The following BOP1 variants were observed in gnomAD, a reference collection of about 807,000 sequenced individuals.
The protein encoded by BOP1 is BOP1 ribosomal biogenesis factor.
Under a neutral mutation model 82.9 loss-of-function variants are expected in BOP1, and 54 were observed. The ratio of observed to expected loss-of-function variants is 0.65; its 90% confidence interval spans 0.52 to 0.82. The LOEUF (loss-of-function observed/expected upper bound fraction) is 0.82, where lower values mean the gene tolerates loss of function less well. Among genes scored for constraint, BOP1 ranks in the 40% least tolerant of loss-of-function variants. The probability of loss-of-function intolerance (pLI) is 0.00; values close to 1 mark genes in which losing one functional copy is unlikely to be tolerated. For missense variants in BOP1, 1,170 were observed against 1,072.0 expected (o/e 1.09, Z -1.28); for synonymous variants, 566 against 451.1 (o/e 1.25, Z -3.23).
intron 3 of BOP1, 125 bp from the exon 4 acceptor site, chr8:144,265,196 T>G: frequency 3.6e-6 from 4 of 1,124,608 alleles, no homozygotes; most frequent in Non-Finnish European, 5.1e-6. Flanking sequence ...TGCCCTGAGG[T>G]CACTGGCCCT....
chr8:144,286,011 C>G (rs1554839430), intron 2 of BOP1, among the ~76,000 whole-genome samples: 1 of 152,366 alleles, frequency 6.6e-6, no homozygotes, highest in East Asian at 1.9e-4. Flanking sequence ...CAGGAGGCAG[C>G]ACTGGGCTGC....
intron 8 of BOP1, 21 bp downstream of exon 8, chr8:144,263,960 T>C: frequency 6.2e-7 from 1 of 1,610,956 alleles, no homozygotes; most frequent in South Asian, 1.1e-5. Context: ...GCCACCCCCC[T>C]GGTGTGCCAC....
In BOP1 at chr8:144,264,098, G is replaced by C; in HGVS notation, c.1023C>G (p.Ser341Arg). 6.2e-7 allele frequency: 1 copy of C among 1,610,466 alleles called. No individual in the cohort carries two copies. The highest frequency in any genetic ancestry group is 8.5e-7 in the Non-Finnish European group (1 of 1,179,408). The change falls in exon 8 of 16, where the codon AGC (serine) becomes AGG (arginine). Residue 341 changes from serine (S) to arginine (R), a missense_variant. Transcript: ENST00000569669. ...GGCTCGGGAACTTGCGTGGCAAAAAGCTCAGCTTCCTCTCGCCTGGCTCCT... is the reference window on the plus strand; with the variant it reads ...GGCTCGGGAACTTGCGTGGCAAAAACCTCAGCTTCCTCTCGCCTGGCTCCT... Reference protein sequence around the residue: ...EQQEPGERKLSFLPRKFPSLR... With the variant: ...EQQEPGERKLRFLPRKFPSLR...
chr8:144,283,647 T>C (rs1263494929), intron 2 of BOP1, among the ~76,000 whole-genome samples: 6 of 152,140 alleles, frequency 3.9e-5, no homozygotes, highest in Non-Finnish European at 8.8e-5. Flanking sequence ...TTTTTTCAGT[T>C]AAGCCCAGCT....
chr8:144,269,514 G>GT (rs1373923921), intron 3 of BOP1, among the ~76,000 whole-genome samples: 1 of 152,242 alleles, frequency 6.6e-6, no homozygotes, highest in Non-Finnish European at 1.5e-5. Flanking sequence ...AAGCAGTGGT[G>GT]TAATTTTGGA....
Position 144,263,293 on chromosome 8 carries a change from C to T in BOP1, c.1533G>A (p.Gln511=), listed in dbSNP as rs1845273843. The T allele has an allele frequency of 3.1e-6, 5 of 1,594,306 alleles. No individual in the cohort carries two copies. The highest frequency in any genetic ancestry group is 4.2e-6 in the Non-Finnish European group (5 of 1,178,992). The change falls in exon 12 of 16, where the codon CAG becomes CAA. Residue 511 remains glutamine (Q), a synonymous_variant. Coordinates refer to ENST00000569669, the MANE Select transcript of BOP1 (RefSeq NM_015201.5). ...CTGAGGCCTCCAGCCAGCGGGCCGG[C>T]TGCAAGGGGGGCTCCTCAGGCGGGA... The part of the protein sequence containing the change: ...AFVPPEEPPL[Q]PARWLEASEE...
At chr8:144,264,683 C>T (rs1564595180) in intron 5 of BOP1, 31 bp downstream of exon 5, 17 of 1,563,746 alleles carry the variant, frequency 1.1e-5, no homozygotes, top group Admixed American at 1.9e-5. Flanking sequence ...CCAGGACCCC[C>T]GCCGCCCAGG....
chr8:144,272,056 T>C (rs1158929398), intron 3 of BOP1, among the ~76,000 whole-genome samples: 2 of 152,016 alleles, frequency 1.3e-5, no homozygotes, highest in Non-Finnish European at 2.9e-5. Flanking sequence ...CCAGGGACAA[T>C]AGCTGTTCCC....
At chr8:144,266,987 C>G in intron 3 of BOP1, 2 of 1,549,476 alleles carry the variant, frequency 1.3e-6, no homozygotes, top group South Asian at 2.3e-5. Context: ...AGCTACATCT[C>G]GCACCTGGGC....
intron 2 of BOP1, among the ~76,000 whole-genome samples, chr8:144,280,158 A>T (rs1331864309): frequency 1.3e-5 from 2 of 152,186 alleles, no homozygotes; most frequent in Non-Finnish European, 2.9e-5. Context: ...TGACTCCCCC[A>T]TGGGGGCCAA....
rs966612161 is a variant in BOP1, at chr8:144,264,829, C to A, written c.548G>T (p.Arg183Leu). The A allele has an allele frequency of 6.2e-7, 1 of 1,608,998 alleles. No homozygotes were observed. Among genetic ancestry groups the A allele is most frequent in the Non-Finnish European group, 8.5e-7 (1 of 1,179,130 alleles). The change falls in exon 5 of 16, where the codon CGC becomes CTC. Residue 183 changes from arginine (R) to leucine (L), a missense_variant and splice_region_variant. Physicochemically the swap from Arg to Leu is moderately radical, Grantham distance 102 (BLOSUM62 -2). Transcript: ENST00000569669. ...CCCTGTCATCGGGTCCTGCACGGTG[C>A]GCCTGGAGACCGCCAGTCAGACCCC... is the stretch of plus-strand genomic sequence containing the variant. Reference protein sequence around the residue: ...LDKMDDPDYWRTVQDPMTGRD... With the variant: ...LDKMDDPDYWLTVQDPMTGRD...
intron 3 of BOP1, among the ~76,000 whole-genome samples, chr8:144,274,146 T>G (rs1326400915): frequency 2.0e-5 from 3 of 152,082 alleles, no homozygotes; most frequent in African/African-American, 7.3e-5. Flanking sequence ...TCACAGCCAC[T>G]GCCACCCACG....
At position 144,264,368 on chromosome 8, in the gene BOP1, TG is replaced by T; in HGVS notation, c.834del (p.Ser279AlafsTer62). On this transcript the variant is annotated frameshift_variant, in exon 7 of 16. Transcript: ENST00000569669. LOFTEE classifies it high-confidence loss of function. ...TCCTGGGCCCACAGGTCATAGAAGCTGGGGGTGGGGTCTCGGGGCCGGCGAG... is the reference window on the plus strand; with the variant it reads ...TCCTGGGCCCACAGGTCATAGAAGCTGGGGTGGGGTCTCGGGGCCGGCGAG... ...IQPRRPRDPT[P>X]SFYDLWAQED... 1 of 1,603,860 alleles carries T rather than the reference TG, an allele frequency of 6.2e-7. No individual in the cohort carries two copies.
At chr8:144,270,105 G>A (rs1845467980) in intron 3 of BOP1, among the ~76,000 whole-genome samples, 2 of 152,320 alleles carry the variant, frequency 1.3e-5, no homozygotes, top group African/African-American at 2.4e-5. Flanking sequence ...CAAATGGGAT[G>A]GAAGATAGTG....
chr8:144,278,170 A>C (rs1554838521), intron 2 of BOP1, among the ~76,000 whole-genome samples: 2 of 152,222 alleles, frequency 1.3e-5, no homozygotes, highest in Admixed American at 1.3e-4. Context: ...GGCGAGCGCC[A>C]CTGGGCAGAG....
In BOP1 at chr8:144,264,332, C is replaced by A; in HGVS notation, c.871G>T (p.Ala291Ser). ...TGCATCTTGTGGCGCCCGAGCACGG[C>A]GTTGGGGTCCTCCTGGGCCCACAGG... ...YDLWAQEDPN[A>S]VLGRHKMHVP... Residue 291 changes from alanine to serine, a missense_variant, in exon 7 of 16, where the codon GCC (alanine) becomes TCC (serine). Ala to Ser is a moderately conservative substitution (Grantham distance 99). Coordinates refer to ENST00000569669, the MANE Select transcript of BOP1 (RefSeq NM_015201.5). The A allele has an allele frequency of 5.6e-6, 9 of 1,609,182 alleles. No homozygotes were observed. The highest frequency in any genetic ancestry group is 7.6e-6 in the Non-Finnish European group (9 of 1,179,642).
Position 144,264,756 on chromosome 8 carries a change from C to T in BOP1, c.621G>A (p.Leu207=), listed in dbSNP as rs1845317414. ...TDEQVALVRR[L]QSGQFGDVGF... ...CCACATCCCCAAACTGGCCACTCTG[C>T]AGCCGCCGCACCAGGGCCACCTGCT... Residue 207 remains leucine (L), a synonymous_variant, in exon 5 of 16, where the codon CTG becomes CTA. Coordinates refer to ENST00000569669, the MANE Select transcript of BOP1 (RefSeq NM_015201.5). 1 of 1,596,296 alleles carries T rather than the reference C, an allele frequency of 6.3e-7. No individual in the cohort carries two copies. The highest frequency in any genetic ancestry group is 8.5e-7 in the Non-Finnish European group (1 of 1,172,704).
rs1382049197 is a variant in BOP1 at position 144,262,968 on chromosome 8, G to A, written c.1779C>T (p.Phe593=). The A allele has an allele frequency of 6.5e-7, 1 of 1,549,944 alleles. No individual in the cohort carries two copies. The highest frequency in any genetic ancestry group is 2.4e-5 in the East Asian group (1 of 42,332). The change falls in exon 13 of 16, where the codon TTC becomes TTT. Residue 593 remains phenylalanine, a synonymous_variant. Transcript: ENST00000569669. ...CGCTGCGCTGGGACGCCACCAACAG[G>A]AAGGGCCGGGCAGGGTGGAAGGCCA... is the stretch of plus-strand genomic sequence containing the variant. ...QRVAFHPARP[F]LLVASQRSVR...
Position 144,281,016 on chromosome 8 carries a change from C to T in BOP1, c.310-4712G>A, listed in dbSNP as rs1394989216. On this transcript the variant is annotated intron_variant, in intron 2 of 15. Transcript: ENST00000569669. Reference sequence around the variant, plus strand: ...TTCTCTCACTTTCATACCAGGTCTTCGGCCTTCTCTCACTTTAATACCAGG... The same window carrying T: ...TTCTCTCACTTTCATACCAGGTCTTTGGCCTTCTCTCACTTTAATACCAGG... 4.2e-3 allele frequency among the ~76,000 whole-genome samples: 290 copies of T among 68,280 alleles called. 13 individuals are homozygous for T. Among genetic ancestry groups the T allele is most frequent in the East Asian group, 0.027 (94 of 3,428 alleles). The allele number at this position is 68,280 out of a possible 152,430, so 44.8% of individuals were successfully genotyped here.
Sources: gnomAD v4.1 joint callset for allele counts (sites outside exome capture counted in the v4.1 genomes callset) on GRCh38, gnomAD v4.1.1 for gene constraint, MANE v1.5 for transcripts, NCBI Gene and HGNC (gene_info 2026-07-23, HGNC 2026-07-21) for gene names.